Variants in GPHN observed in about 807,000 individuals in gnomAD.
The protein encoded by GPHN is gephyrin.
GPHN carries 17 observed loss-of-function variants against 95.5 expected under a neutral mutation model. That is an observed-to-expected ratio of 0.18 (90% CI 0.12 to 0.27). The LOEUF (loss-of-function observed/expected upper bound fraction) is 0.27, where lower values mean the gene tolerates loss of function less well. Ranked by LOEUF, GPHN falls within the 10% of genes least tolerant of loss-of-function variation. GPHN has a pLI of 1.00. For missense variants in GPHN, 660 were observed against 978.1 expected, an observed-to-expected ratio of 0.67 and a Z score of 4.34; for synonymous variants, 320 against 322.5, an observed-to-expected ratio of 0.99 and a Z score of 0.08.
rs1034802423 is a variant in GPHN, at chr14:66,726,962, A to G, written c.143+45777A>G. ...TTTTGTGTTTAGACTTTAGTCTTAT[A>G]TGATTTGGCTGTGTCCCCCCTCAAA... On this transcript the variant is annotated intron_variant, in intron 2 of 22. Transcript: ENST00000478722. Among the ~76,000 whole-genome samples the G allele has an allele frequency of 2.6e-5, 4 of 152,214 alleles. No homozygotes were observed. In the East Asian group the frequency reaches 7.7e-4, roughly 29 times the overall value.
At chr14:67,336,599 C>A in the GPHN span, 1 of 400,096 alleles carries the variant, frequency 2.5e-6, no homozygotes, top group Non-Finnish European at 5.0e-6. Flanking sequence ...CCTAGAAAGG[C>A]AGTACGTAAT....
the GPHN span, among the ~76,000 whole-genome samples, chr14:67,326,221 ATTTTTTTTTTTTTTTTTTT>A: frequency 4.5e-3 from 58 of 12,912 alleles, 1 homozygote; most frequent in African/African-American, 0.013. Context: ...TTTAGGTCTG[ATTTTTTTTTTTTTTTTTTT>A]TTTTTTTTTT....
At chr14:67,688,695 A>G in the GPHN span, among the ~76,000 whole-genome samples, 2 of 151,280 alleles carry the variant, frequency 1.3e-5, no homozygotes, top group South Asian at 2.1e-4. Context: ...TTGGCCTCCT[A>G]AAGTGCCTGG....
chr14:67,491,554 G>C, the GPHN span, among the ~76,000 whole-genome samples: 8 of 152,272 alleles, frequency 5.3e-5, no homozygotes, highest in African/African-American at 1.7e-4. Flanking sequence ...AAATTTCAAG[G>C]GTTTTAGGAG....
the GPHN span, among the ~76,000 whole-genome samples, chr14:67,477,898 T>C: frequency 6.6e-5 from 10 of 152,172 alleles, no homozygotes; most frequent in Non-Finnish European, 2.9e-5. Flanking sequence ...CTGTCTGGCT[T>C]CCTCTGCCAC....
At chr14:67,223,206 G>A in the GPHN span, among the ~76,000 whole-genome samples, 9 of 151,964 alleles carry the variant, frequency 5.9e-5, no homozygotes, top group African/African-American at 2.2e-4. Context: ...CACCATGTTG[G>A]CCAGGCTGGT....
intron 1 of GPHN, among the ~76,000 whole-genome samples, chr14:66,677,190 T>A (rs1458387013): frequency 1.3e-5 from 2 of 152,116 alleles, no homozygotes. Context: ...TTGATTAGTC[T>A]AGCTACTGGT....
At chr14:67,341,571 AG>A in the GPHN span, among the ~76,000 whole-genome samples, 3,111 of 146,800 alleles carry the variant, frequency 0.021, 125 homozygotes, top group African/African-American at 0.076. Context: ...TGGGGGGGTC[AG>A]CCCCCGCCAG....
At chr14:66,907,257 T>G (rs1404411721) in intron 5 of GPHN, among the ~76,000 whole-genome samples, 4 of 152,138 alleles carry the variant, frequency 2.6e-5, no homozygotes, top group African/African-American at 9.7e-5. Flanking sequence ...TAAAAGGAAA[T>G]GAGCCATCAA....
chr14:67,395,759 A>G, the GPHN span, among the ~76,000 whole-genome samples: 1 of 152,142 alleles, frequency 6.6e-6, no homozygotes, highest in African/African-American at 2.4e-5. Context: ...CAGTGACAGG[A>G]AGCTTGCGGC....
At chr14:67,309,351 T>C in the GPHN span, among the ~76,000 whole-genome samples, 1 of 152,212 alleles carries the variant, frequency 6.6e-6, no homozygotes, top group African/African-American at 2.4e-5. Flanking sequence ...ACCCAGACTT[T>C]AACTCATTCA....
chr14:67,323,615 A>AT, the GPHN span: 2,335 of 260,192 alleles, frequency 9.0e-3, 32 homozygotes, highest in Admixed American at 0.042. Flanking sequence ...CCCTTAATCT[A>AT]ATATATATAT....
intron 10 of GPHN, among the ~76,000 whole-genome samples, chr14:67,027,348 C>T (rs1038420280): frequency 4.6e-5 from 7 of 152,066 alleles, no homozygotes; most frequent in Non-Finnish European, 7.4e-5. Flanking sequence ...TGCCCCACCC[C>T]GAGACAAAGT....
the GPHN span, among the ~76,000 whole-genome samples, chr14:67,357,076 T>C: frequency 6.6e-6 from 1 of 152,236 alleles, no homozygotes; most frequent in Non-Finnish European, 1.5e-5. Context: ...GCGTGCACAC[T>C]TACAGCTAAT....
the GPHN span, among the ~76,000 whole-genome samples, chr14:67,298,296 C>T: frequency 6.6e-6 from 1 of 151,950 alleles, no homozygotes; most frequent in African/African-American, 2.4e-5. Flanking sequence ...GCCGGACCAC[C>T]TGAGGTCAGG....
At chr14:67,539,424 C>T in the GPHN span, among the ~76,000 whole-genome samples, 11 of 152,128 alleles carry the variant, frequency 7.2e-5, no homozygotes, top group African/African-American at 2.4e-4. Context: ...AACCAAGAAG[C>T]GAGCTTACTC....
At chr14:66,817,925 G>T (rs939045047) in intron 3 of GPHN, among the ~76,000 whole-genome samples, 2 of 152,138 alleles carry the variant, frequency 1.3e-5, no homozygotes, top group African/African-American at 4.8e-5. Context: ...AGTTGCAAGG[G>T]TTGTAGAAAT....
At chr14:67,019,918 G>A (rs750439105) in intron 9 of GPHN, among the ~76,000 whole-genome samples, 44 of 152,166 alleles carry the variant, frequency 2.9e-4, no homozygotes, top group African/African-American at 1.1e-3. Flanking sequence ...ACGCTTTCGT[G>A]TGTCCTGCTT....
chr14:67,328,770 C>CAA, the GPHN span, among the ~76,000 whole-genome samples: 1 of 152,124 alleles, frequency 6.6e-6, no homozygotes, highest in Non-Finnish European at 1.5e-5. Flanking sequence ...TCAGGTTTGT[C>CAA]AAAGATCAGA....
Sources: gnomAD v4.1 joint callset for allele counts (sites outside exome capture counted in the v4.1 genomes callset) on GRCh38, gnomAD v4.1.1 for gene constraint, MANE v1.5 for transcripts, NCBI Gene and HGNC (gene_info 2026-07-23, HGNC 2026-07-21) for gene names.